The following LAMA5 variants were observed in gnomAD, a reference collection of about 807,000 sequenced individuals.
LAMA5 encodes laminin subunit alpha-5.
LAMA5 carries 260 observed loss-of-function variants against 433.4 expected under a neutral mutation model. The ratio of observed to expected loss-of-function variants is 0.60; its 90% CI spans 0.54 to 0.66. The LOEUF is 0.66. LAMA5 is among the 30% of genes least tolerant of loss of function. The probability of loss-of-function intolerance (pLI) is 0.00; values close to 1 mark genes in which losing one functional copy is unlikely to be tolerated. For missense variants in LAMA5, 5,378 were observed against 5,258.5 expected (o/e 1.02, Z -0.70); for synonymous variants, 2,620 against 2,226.6 (o/e 1.18, Z -4.97).
In LAMA5 at chr20:62,315,711, A is replaced by T. The variant is rs6062212; in HGVS notation, c.7867+237T>A. On this transcript the variant is annotated intron_variant, in intron 58 of 79. Transcript: ENST00000252999. ...AAGGCCTACAGCCCTCCCACCTATA[A>T]CTCCATTTCTACCCAAAGCACTTCC... is the stretch of plus-strand genomic sequence containing the variant. Among the ~76,000 whole-genome samples, 7 of 152,276 alleles carry T rather than the reference A, an allele frequency of 4.6e-5. No homozygotes were observed. In the East Asian group the frequency reaches 5.8e-4, roughly 13 times the overall value.
chr20:62,321,111 A>AGGTAGGGCCAGCACAAGGG (rs59576738), intron 48 of LAMA5, among the ~76,000 whole-genome samples: 2,482 of 121,960 alleles, frequency 0.02, 111 homozygotes, highest in African/African-American at 0.075. Flanking sequence ...CCCAGGGAGA[A>AGGTAGGGCCAGCACAAGGG]GGTAGGGCCA....
chr20:62,317,121 G>A, intron 55 of LAMA5, 98 bp from the exon 56 acceptor site: 1 of 1,365,452 alleles, frequency 7.3e-7, no homozygotes, highest in Non-Finnish European at 9.7e-7. Context: ...GCCCGTGCCT[G>A]CCCGCCAAGT....
Position 62,310,101 on chromosome 20 carries a change from G to A in LAMA5, c.10735-20C>T, listed in dbSNP as rs771657708. 30 of 1,610,890 alleles carry A rather than the reference G, an allele frequency of 1.9e-5. No homozygotes were observed. The South Asian group carries it at 2.9e-4, about 15-fold the overall frequency. On this transcript the variant is annotated intron_variant, in intron 77 of 79. Transcript: ENST00000252999. ...CAGGACCTGGCGGGGTAGGAAGGGAGGGTCAGGCTATGCCCCCGAGGTCAC... is the reference window on the plus strand; with the variant it reads ...CAGGACCTGGCGGGGTAGGAAGGGAAGGTCAGGCTATGCCCCCGAGGTCAC...
In LAMA5 at chr20:62,346,199, G is replaced by A. The variant is rs76592931; in HGVS notation, c.1299C>T (p.Ser433=). ...PHVCRRCNCE[S]DFTDGTCEDL... is the part of the protein sequence containing the mutation. ...CCTCGCAGGTGCCATCCGTGAAGTC[G>A]GACTCGCAGTTGCAGCCTGGGCAGG... The change falls in exon 10 of 80, where the codon TCC becomes TCT. Residue 433 remains serine (S), a synonymous_variant. Coordinates refer to ENST00000252999, the MANE Select transcript of LAMA5 (RefSeq NM_005560.6). 3,246 of 1,611,930 alleles carry A rather than the reference G, an allele frequency of 2.0e-3. 61 individuals carry two copies. The African/African-American group carries it at 0.039, about 19-fold the overall frequency.
chr20:62,330,351 G>T, intron 31 of LAMA5, 137 bp downstream of exon 31: 1 of 1,261,816 alleles, frequency 7.9e-7, no homozygotes, highest in Non-Finnish European at 1.1e-6. Context: ...TGCAAGGGCA[G>T]CTAGTTTGAG....
chr20:62,351,605 C>A (rs1446679139), intron 6 of LAMA5, 99 bp downstream of exon 6: 9 of 1,162,668 alleles, frequency 7.7e-6, no homozygotes, highest in Non-Finnish European at 1.1e-5. Context: ...GGCCATGGAA[C>A]CAGGTCACCC....
At position 62,318,928 on chromosome 20, in the gene LAMA5, C is replaced by T. The variant is rs777087276; in HGVS notation, c.6957G>A (p.Val2319=). ...CCCGCATCTCCCAGAGCAGCCGCTC[C>T]ACCTCGGCCAGTGTCCGGAGCAGCT... is the stretch of plus-strand genomic sequence containing the variant. ...GEQLLRTLAE[V]ERLLWEMRAR... The change falls in exon 52 of 80, where the codon GTG becomes GTA. Residue 2319 remains valine, a synonymous_variant. Coordinates refer to ENST00000252999, the MANE Select transcript of LAMA5 (RefSeq NM_005560.6). 6.2e-7 allele frequency: 1 copy of T among 1,601,038 alleles called. No homozygotes were observed. Among genetic ancestry groups the T allele is most frequent in the South Asian group, 1.1e-5 (1 of 89,842 alleles).
intron 18 of LAMA5, 32 bp from the exon 19 acceptor site, chr20:62,335,301 G>A (rs1981368395): frequency 1.2e-6 from 2 of 1,609,196 alleles, no homozygotes; most frequent in Non-Finnish European, 8.5e-7. Context: ...TCAGATGCTT[G>A]GTGGGGCAGG....
At position 62,324,706 on chromosome 20, in the gene LAMA5, G is replaced by A; in HGVS notation, c.5530-152C>T. The stretch of plus-strand genomic sequence containing the variant: ...CACCGCTGGGTCAGAGGCTGGTCAG[G>A]AACTCCTGGCCTCGGCCGGCTGGAG... On this transcript the variant is annotated intron_variant, in intron 41 of 79. Coordinates refer to ENST00000252999, the MANE Select transcript of LAMA5 (RefSeq NM_005560.6). The surrounding 1 kb of genome is among the most constrained non-coding windows in gnomAD (Gnocchi z 4.4). 1.6e-6 allele frequency: 1 copy of A among 617,416 alleles called. No individual in the cohort carries two copies. Among genetic ancestry groups the A allele is most frequent in the Non-Finnish European group, 2.9e-6 (1 of 339,742 alleles). 38.2% of individuals were successfully genotyped at this position (617,416 alleles called of 1,614,324 possible).
chr20:62,361,419 G>T (rs958066102), intron 2 of LAMA5, among the ~76,000 whole-genome samples: 1 of 152,148 alleles, frequency 6.6e-6, no homozygotes, highest in Non-Finnish European at 1.5e-5. Flanking sequence ...TGCCCAGCCC[G>T]GGCCAGGCCT....
intron 40 of LAMA5, chr20:62,326,346 T>G: frequency 4.1e-6 from 1 of 241,864 alleles, no homozygotes. Context: ...TCTAAAAGGA[T>G]GGAAAAAGAT....
At position 62,338,564 on chromosome 20, in the gene LAMA5, T is replaced by C. The variant is rs1159713841; in HGVS notation, c.1522A>G (p.Lys508Glu). The C allele has an allele frequency of 6.2e-7, 1 of 1,611,384 alleles. No homozygotes were observed. Among genetic ancestry groups the C allele is most frequent in the Non-Finnish European group, 8.5e-7 (1 of 1,179,552 alleles). Reference sequence around the variant, plus strand: ...AGACAGCGTCCCACCCTTGGGTCCTTCCGGCAGGCGTTGCCCTGGGTCCCT... The same window carrying C: ...AGACAGCGTCCCACCCTTGGGTCCTCCCGGCAGGCGTTGCCCTGGGTCCCT... ...AAGTQGNACR[K>E]DPRVGRCLCK... The change falls in exon 12 of 80, where the codon AAG becomes GAG. Residue 508 changes from lysine to glutamate, a missense_variant. Coordinates refer to ENST00000252999, the MANE Select transcript of LAMA5 (RefSeq NM_005560.6).
In LAMA5 at chr20:62,325,402, C is replaced by T. The variant is rs752428224; in HGVS notation, c.5443G>A (p.Val1815Met). 7 of 1,611,880 alleles carry T rather than the reference C, an allele frequency of 4.3e-6. No homozygotes were observed. In the Admixed American group the frequency reaches 1.2e-4, roughly 27 times the overall value. The change falls in exon 41 of 80, where the codon GTG (valine) becomes ATG (methionine). Residue 1815 changes from valine to methionine, a missense_variant. By Grantham distance (21) the Val-to-Met change is conservative. Transcript: ENST00000252999. Reference sequence around the variant, plus strand: ...GCCCCCTGGCCTGCTGGGCTGGCCACCTCCAGTGCCACCCTGCGCAGGAAG... The same window carrying T: ...GCCCCCTGGCCTGCTGGGCTGGCCATCTCCAGTGCCACCCTGCGCAGGAAG... ...AVFLRRVALE[V>M]ASPAGQGALA...
At position 62,346,052 on chromosome 20, in the gene LAMA5, CTGTT is replaced by C. The variant is rs767947445; in HGVS notation, c.1417+25_1417+28del. 34 of 1,611,358 alleles carry C rather than the reference CTGTT, an allele frequency of 2.1e-5. No individual in the cohort carries two copies. In the South Asian group the frequency reaches 3.7e-4, roughly 18 times the overall value. On this transcript the variant is annotated intron_variant, in intron 10 of 79. Coordinates refer to ENST00000252999, the MANE Select transcript of LAMA5 (RefSeq NM_005560.6). Reference sequence around the variant, plus strand: ...CCCGGAGTCCAGCAGGCAGTGGTGTCTGTTTGGATGCCCCTGGCAGGTGCTCACG... The same window carrying C: ...CCCGGAGTCCAGCAGGCAGTGGTGTCTGGATGCCCCTGGCAGGTGCTCACG...
rs571121398 is a variant in LAMA5 at position 62,359,183 on chromosome 20, G to A, written c.450+3217C>T. On this transcript the variant is annotated intron_variant, in intron 2 of 79. Coordinates refer to ENST00000252999, the MANE Select transcript of LAMA5 (RefSeq NM_005560.6). This position sits in a 1 kb window ranked among gnomAD's most constrained non-coding sequence, Gnocchi z 4.3. ...CTCCCTACCGGAAGGGGGCCCGTGC[G>A]TCCTCACTCCTCATCTGAGGGAGGC... 2.6e-5 allele frequency among the ~76,000 whole-genome samples: 4 copies of A among 152,226 alleles called. No individual in the cohort carries two copies. Among genetic ancestry groups the A allele is most frequent in the African/African-American group, 7.2e-5 (3 of 41,546 alleles).
At chr20:62,310,853 G>A (rs1317146328) in intron 74 of LAMA5, 24 bp from the exon 75 acceptor site, 4 of 1,596,364 alleles carry the variant, frequency 2.5e-6, no homozygotes, top group South Asian at 1.1e-5. Flanking sequence ...ATGGGTCAGG[G>A]TAGGGCTGCC....
Position 62,317,515 on chromosome 20 carries a change from A to C in LAMA5, c.7357-16T>G. The stretch of plus-strand genomic sequence containing the variant: ...GCTCCAGCTCCTGGAATTTGAGTGG[A>C]CTTAGCCCCTCATCCTGCTCACAGC... On this transcript the variant is annotated splice_polypyrimidine_tract_variant and intron_variant, in intron 54 of 79. Coordinates refer to ENST00000252999, the MANE Select transcript of LAMA5 (RefSeq NM_005560.6). 6.5e-7 allele frequency: 1 copy of C among 1,537,352 alleles called. No individual in the cohort carries two copies. The highest frequency in any genetic ancestry group is 8.8e-7 in the Non-Finnish European group (1 of 1,138,736).
At position 62,334,658 on chromosome 20, in the gene LAMA5, C is replaced by A. The variant is rs528764417; in HGVS notation, c.2483-37G>T. ...AGGTGGGAGGTCAGAGGCTGCCTGG[C>A]CCCCACCCAGCCTCAGGGGCCCCTC... On this transcript the variant is annotated intron_variant, in intron 20 of 79. Transcript: ENST00000252999. 7.9e-3 allele frequency: 11,894 copies of A among 1,512,822 alleles called. 61 individuals are homozygous for A. Among genetic ancestry groups the A allele is most frequent in the Non-Finnish European group, 9.2e-3 (10,357 of 1,124,644 alleles). The allele number at this position is 1,512,822 out of a possible 1,614,324, so 93.7% of individuals were successfully genotyped here.
intron 77 of LAMA5, 38 bp from the exon 78 acceptor site, chr20:62,310,119 G>A (rs372378113): frequency 8.8e-5 from 142 of 1,610,864 alleles, no homozygotes; most frequent in Admixed American, 1.7e-4. Context: ...CTATGCCCCC[G>A]AGGTCACCAG....
Sources: gnomAD v4.1 joint callset for allele counts (sites outside exome capture counted in the v4.1 genomes callset) on GRCh38, gnomAD v4.1.1 for gene constraint, Gnocchi (gnomAD v3.1) non-coding constraint, MANE v1.5 for transcripts, NCBI Gene and HGNC (gene_info 2026-07-23, HGNC 2026-07-21) for gene names.